The following DCC variants were observed in gnomAD, a reference collection of about 807,000 sequenced individuals.
DCC encodes the protein DCC netrin 1 receptor, also known as netrin receptor DCC.
A neutral mutation model predicts 172.5 loss-of-function variants in DCC; 58 were observed. That is an observed-to-expected ratio of 0.34 (90% confidence interval 0.27 to 0.42). The LOEUF is 0.42. DCC is among the 10% of genes least tolerant of loss of function. The pLI is 1.00. For missense variants in DCC, 1,740 were observed against 1,791.0 expected, an observed-to-expected ratio of 0.97 and a Z score of 0.51; for synonymous variants, 709 against 644.5, an observed-to-expected ratio of 1.10 and a Z score of -1.52.
intron 1 of DCC, among the ~76,000 whole-genome samples, chr18:52,353,279 A>G (rs984269240): frequency 3.0e-5 from 2 of 65,684 alleles, no homozygotes; most frequent in Non-Finnish European, 6.2e-5. Flanking sequence ...TCTCATCAAT[A>G]CTCATATAAG....
intron 13 of DCC, among the ~76,000 whole-genome samples, chr18:53,307,682 C>A (rs1022937731): frequency 7.3e-5 from 11 of 150,828 alleles, no homozygotes; most frequent in African/African-American, 1.9e-4. Flanking sequence ...CTATACGCAG[C>A]CAATAAAGAT....
At chr18:52,654,704 G>T (rs1016361428) in intron 1 of DCC, among the ~76,000 whole-genome samples, 1 of 152,066 alleles carries the variant, frequency 6.6e-6, no homozygotes, top group African/African-American at 2.4e-5. Flanking sequence ...GGTACTGGGG[G>T]TTAGGACTTC....
rs1158928819 is a variant in DCC, at chr18:53,532,578, A to G, written c.*1925A>G. ...GGAATAAAGTGTTTCCTAACATAAT[A>G]TTGAATTATTCAGAAATAATCCATT... On this transcript the variant is annotated 3_prime_UTR_variant, in exon 29 of 29. Transcript: ENST00000442544. 1 of 152,240 alleles carries G rather than the reference A, an allele frequency of 6.6e-6. No individual in the cohort carries two copies. Among genetic ancestry groups the G allele is most frequent in the Non-Finnish European group, 1.5e-5 (1 of 68,042 alleles). The allele number at this position is 152,240 out of a possible 1,614,324, so 9.4% of individuals were successfully genotyped here.
At chr18:53,036,405 C>T (rs1319723476) in intron 5 of DCC, among the ~76,000 whole-genome samples, 2 of 151,998 alleles carry the variant, frequency 1.3e-5, no homozygotes, top group Non-Finnish European at 2.9e-5. Context: ...GCTGAACCAA[C>T]AAGTGAAGGA....
intron 2 of DCC, among the ~76,000 whole-genome samples, chr18:52,897,292 G>A (rs968910300): frequency 1.3e-5 from 2 of 152,156 alleles, no homozygotes; most frequent in Non-Finnish European, 2.9e-5. Context: ...CCTATTTTTG[G>A]CCTAGGGCAA....
At chr18:52,794,331 C>G (rs560470856) in intron 2 of DCC, among the ~76,000 whole-genome samples, 1 of 151,238 alleles carries the variant, frequency 6.6e-6, no homozygotes, top group Non-Finnish European at 1.5e-5. Context: ...TCTTCAATTT[C>G]TTTCATCATT....
chr18:52,683,640 C>T (rs996789878), intron 1 of DCC, among the ~76,000 whole-genome samples: 3 of 152,048 alleles, frequency 2.0e-5, no homozygotes, highest in Admixed American at 2.0e-4. Context: ...TTCTGAATCT[C>T]TTCATAACCC....
At chr18:53,374,134 A>G (rs567335985) in intron 15 of DCC, among the ~76,000 whole-genome samples, 1 of 152,250 alleles carries the variant, frequency 6.6e-6, no homozygotes, top group East Asian at 1.9e-4. Context: ...CTGTCCATAT[A>G]TGGCTATTTA....
intron 7 of DCC, among the ~76,000 whole-genome samples, chr18:53,067,092 T>C: frequency 6.6e-6 from 1 of 152,060 alleles, no homozygotes; most frequent in East Asian, 1.9e-4. Flanking sequence ...CAATTAGACA[T>C]GAGAGTTTGG....
At position 53,425,364 on chromosome 18, in the gene DCC, T is replaced by TTTTTTGG. The variant is rs1568122886; in HGVS notation, c.3163+9213_3163+9214insGGTTTTT. Among the ~76,000 whole-genome samples the TTTTTTGG allele has an allele frequency of 4.6e-5, 5 of 109,302 alleles. No individual in the cohort carries two copies. The East Asian group carries it at 1.3e-3, about 28-fold the overall frequency. 71.7% of individuals were successfully genotyped at this position (109,302 alleles called of 152,430 possible). ...TTTCCCCGTTTCTCCTCTCTTTTTT[T>TTTTTTGG]TTTTTTTTTTTTTGAGACAGAGTCT... On this transcript the variant is annotated intron_variant, in intron 21 of 28. Transcript: ENST00000442544.
chr18:53,256,021 G>A (rs572940863), intron 12 of DCC, among the ~76,000 whole-genome samples: 6 of 152,176 alleles, frequency 3.9e-5, no homozygotes, highest in Non-Finnish European at 7.3e-5. Flanking sequence ...CTTTTGAGAA[G>A]TGTCTGTTCA....
At chr18:53,283,988 A>G (rs530702285) in intron 12 of DCC, among the ~76,000 whole-genome samples, 1 of 152,348 alleles carries the variant, frequency 6.6e-6, no homozygotes, top group South Asian at 2.1e-4. Flanking sequence ...AATACGTTCC[A>G]TGTATTATCA....
intron 7 of DCC, among the ~76,000 whole-genome samples, chr18:53,126,572 A>G (rs2043560443): frequency 6.6e-6 from 1 of 152,128 alleles, no homozygotes; most frequent in South Asian, 2.1e-4. Context: ...TAGCACAAAC[A>G]ATCTGGGTTG....
chr18:53,231,493 TGCAA>T (rs2056120561), intron 12 of DCC, among the ~76,000 whole-genome samples: 1 of 152,156 alleles, frequency 6.6e-6, no homozygotes, highest in African/African-American at 2.4e-5. Flanking sequence ...CTTCACCTAA[TGCAA>T]GCAATCAGCT....
chr18:53,428,516 ATT>A lies in DCC; in HGVS notation c.3164-6625_3164-6624del, dbSNP rs1438820998. Among the ~76,000 whole-genome samples the A allele has an allele frequency of 5.0e-4, 34 of 67,522 alleles. 1 individual carries two copies. The highest frequency in any genetic ancestry group is 1.5e-3 in the African/African-American group (30 of 19,416). 44.3% of individuals were successfully genotyped at this position (67,522 alleles called of 152,430 possible). On this transcript the variant is annotated intron_variant, in intron 21 of 28. Transcript: ENST00000442544. ...TATATTTATATTGTATATTTTATATATTTTATATATTTATGTATTTTATATAT... is the reference window on the plus strand; with the variant it reads ...TATATTTATATTGTATATTTTATATATTATATATTTATGTATTTTATATAT...
intron 12 of DCC, among the ~76,000 whole-genome samples, chr18:53,257,456 T>C (rs2056534845): frequency 6.6e-6 from 1 of 152,256 alleles, no homozygotes; most frequent in Non-Finnish European, 1.5e-5. Flanking sequence ...CTTTTCTGCA[T>C]CTATTGAGAT....
At chr18:53,439,819 C>T (rs1281224429) in intron 22 of DCC, among the ~76,000 whole-genome samples, 10 of 139,864 alleles carry the variant, frequency 7.1e-5, no homozygotes, top group Non-Finnish European at 1.4e-4. Flanking sequence ...GGCTGGAGTG[C>T]AGTGGCGGGA....
intron 1 of DCC, among the ~76,000 whole-genome samples, chr18:52,509,900 C>T (rs1302047268): frequency 2.0e-5 from 3 of 151,958 alleles, no homozygotes; most frequent in Admixed American, 6.6e-5. Context: ...GTCCGGAGTT[C>T]GAGACCAGCC....
intron 1 of DCC, among the ~76,000 whole-genome samples, chr18:52,383,975 C>T (rs1985692603): frequency 6.6e-6 from 1 of 152,096 alleles, no homozygotes; most frequent in African/African-American, 2.4e-5. Flanking sequence ...TTTCTGATCA[C>T]TTAAAATTCC....
Sources: allele counts gnomAD v4.1 joint callset (sites outside exome capture counted in the v4.1 genomes callset), GRCh38; gene constraint gnomAD v4.1.1; transcripts MANE v1.5; gene names NCBI Gene and HGNC (gene_info 2026-07-23, HGNC 2026-07-21).